The following CCNJL variants were observed in gnomAD, a reference collection of about 807,000 sequenced individuals.
The protein encoded by CCNJL is cyclin-J-like protein.
Under a neutral mutation model 33.4 loss-of-function variants are expected in CCNJL, and 33 were observed. The observed-to-expected ratio is 0.99, with a 90% CI of 0.75 to 1.32. CCNJL has a LOEUF of 1.32. CCNJL is among the 40% of genes most tolerant of loss of function. CCNJL has a pLI of 0.00. For synonymous variants in CCNJL, 227 were observed against 220.9 expected (o/e 1.03, Z -0.24); for missense variants, 512 against 499.7 (o/e 1.02, Z -0.23).
At chr5:160,301,461 T>C (rs1762919398) in intron 2 of CCNJL, among the ~76,000 whole-genome samples, 1 of 148,894 alleles carries the variant, frequency 6.7e-6, no homozygotes, top group African/African-American at 2.5e-5. Flanking sequence ...TGAGATGGAG[T>C]CTCACTCTGT....
intron 1 of CCNJL, among the ~76,000 whole-genome samples, chr5:160,331,224 T>TTC (rs1198392278): frequency 7.3e-6 from 1 of 136,654 alleles, no homozygotes; most frequent in African/African-American, 2.8e-5. Context: ...CTTTCTTTCT[T>TTC]TTTTTTTTTT....
chr5:160,306,743 G>C (rs937139028), intron 2 of CCNJL, among the ~76,000 whole-genome samples: 1 of 152,226 alleles, frequency 6.6e-6, no homozygotes, highest in Non-Finnish European at 1.5e-5. Flanking sequence ...ACGAGTGCAA[G>C]TTCTATCTAC....
chr5:160,305,337 C>CG (rs948457075), intron 2 of CCNJL, among the ~76,000 whole-genome samples: 7 of 152,054 alleles, frequency 4.6e-5, no homozygotes, highest in African/African-American at 1.7e-4. Flanking sequence ...GTTCGGCAAG[C>CG]GGGGGGGCCC....
chr5:160,291,055 A>AG (rs1762566183), intron 2 of CCNJL, among the ~76,000 whole-genome samples: 1 of 149,266 alleles, frequency 6.7e-6, no homozygotes, highest in African/African-American at 2.5e-5. Context: ...AAAAAAAAAA[A>AG]AAAAAAGAAA....
chr5:160,253,987 T>G (rs745686777), intron 5 of CCNJL, 189 bp from the exon 6 acceptor site: 5 of 492,036 alleles, frequency 1.0e-5, no homozygotes, highest in Non-Finnish European at 1.8e-5. Context: ...AGGCCTTGGC[T>G]CTCAGCTTGG....
chr5:160,290,865 T>C (rs1762558615), intron 2 of CCNJL, among the ~76,000 whole-genome samples: 1 of 151,640 alleles, frequency 6.6e-6, no homozygotes, highest in Non-Finnish European at 1.5e-5. Context: ...AACCTATTTA[T>C]CATAATAAGC....
intron 3 of CCNJL, among the ~76,000 whole-genome samples, chr5:160,275,178 G>A (rs1471936566): frequency 4.0e-5 from 6 of 150,652 alleles, no homozygotes; most frequent in East Asian, 4.0e-4. Context: ...TCCGCCTCCC[G>A]GGTTCAAGCA....
rs556235099 is a variant in CCNJL at position 160,326,348 on chromosome 5, A to G, written n.207-10843T>C. ...AAATTAGCCAGGCATGGTGGCACGC[A>G]TCTGTAACCCTAGCTACTTGGGTGG... On this transcript the variant is annotated intron_variant and non_coding_transcript_variant, in intron 1 of 7. Transcript: ENST00000377503. Among the ~76,000 whole-genome samples the G allele has an allele frequency of 3.3e-5, 5 of 152,058 alleles. No individual in the cohort carries two copies. The East Asian group carries it at 9.7e-4, about 29-fold the overall frequency.
chr5:160,281,576 A>C (rs927088788), intron 2 of CCNJL, among the ~76,000 whole-genome samples: 1 of 152,198 alleles, frequency 6.6e-6, no homozygotes, highest in African/African-American at 2.4e-5. Flanking sequence ...TTTTTACAAC[A>C]TAATAATGTT....
At chr5:160,273,707 C>A (rs1248357220) in intron 3 of CCNJL, among the ~76,000 whole-genome samples, 1 of 132,248 alleles carries the variant, frequency 7.6e-6, no homozygotes, top group Admixed American at 8.9e-5. Context: ...GGTACAGTGG[C>A]GCGATCTTGG....
In CCNJL at chr5:160,259,663, G is replaced by A. The variant is rs777408880; in HGVS notation, c.389C>T (p.Thr130Ile). 5 of 1,614,186 alleles carry A rather than the reference G, an allele frequency of 3.1e-6. No individual in the cohort carries two copies. Among genetic ancestry groups the A allele is most frequent in the South Asian group, 2.2e-5 (2 of 91,076 alleles). ...GAAGGCCTCCAGGAGCAGCAGCTCT[G>A]TGCTCAGCAGCTCCTTCTTGGTGAG... ...FTLTKKELLS[T>I]ELLLLEAFSW... The change falls in exon 4 of 6, where the codon ACA (threonine) becomes ATA (isoleucine). Residue 130 changes from threonine (T) to isoleucine (I), a missense_variant. Thr to Ile is a moderately conservative substitution (Grantham distance 89, BLOSUM62 -1). Transcript: ENST00000257536.
intron 2 of CCNJL, among the ~76,000 whole-genome samples, chr5:160,294,506 C>T (rs10052640): frequency 0.2 from 30,866 of 152,118 alleles, 4,197 homozygotes; most frequent in African/African-American, 0.39. Context: ...AGCCACTGCC[C>T]TTCTGGGCAA....
intron 1 of CCNJL, among the ~76,000 whole-genome samples, chr5:160,323,916 C>T (rs1763503049): frequency 6.6e-6 from 1 of 152,192 alleles, no homozygotes; most frequent in East Asian, 1.9e-4. Context: ...AACATTGGCT[C>T]TTTCTGGGTT....
intron 1 of CCNJL, among the ~76,000 whole-genome samples, chr5:160,332,196 C>A (rs1386836809): frequency 1.3e-5 from 2 of 152,130 alleles, no homozygotes; most frequent in Non-Finnish European, 2.9e-5. Context: ...CACACCACAC[C>A]TCTGCCTCCT....
intron 2 of CCNJL, among the ~76,000 whole-genome samples, chr5:160,286,050 TC>T (rs1465717990): frequency 6.6e-6 from 1 of 152,210 alleles, no homozygotes. Flanking sequence ...CAGTCATAGA[TC>T]CTTGGTGTCT....
intron 3 of CCNJL, among the ~76,000 whole-genome samples, chr5:160,260,116 G>A (rs1268271214): frequency 6.6e-6 from 1 of 152,224 alleles, no homozygotes; most frequent in Admixed American, 6.5e-5. Flanking sequence ...CAAAGCAGCC[G>A]ATAGCGGTCA....
rs181037717 is a variant in CCNJL, at chr5:160,281,733, C to G, written c.67-995G>C. 2.4e-3 allele frequency among the ~76,000 whole-genome samples: 372 copies of G among 152,284 alleles called. 3 individuals carry two copies. The highest frequency in any genetic ancestry group is 8.4e-3 in the African/African-American group (349 of 41,554). On this transcript the variant is annotated intron_variant, in intron 2 of 5. Transcript: ENST00000257536. ...TGGTGCAATCACAGCTCACAGAAGC[C>G]TTGAACTTCTGGGCTCAAGCAATCC...
intron 1 of CCNJL, among the ~76,000 whole-genome samples, chr5:160,320,599 G>GT (rs1170494874): frequency 6.6e-6 from 1 of 152,234 alleles, no homozygotes; most frequent in African/African-American, 2.4e-5. Context: ...TGGTTGACCA[G>GT]TGGGTGCGTG....
At position 160,312,540 on chromosome 5, in the gene CCNJL, GTCCCGCCGCGGCTCGCAGGC is replaced by G. The variant is rs1362794208; in HGVS notation, c.-246_-227del. Reference sequence around the variant, plus strand: ...TCGCCGCGCCCCTGCGTGCGCTCGGGTCCCGCCGCGGCTCGCAGGCTCCCGGCCGCCGGGGGCCTCCCTCC... The same window carrying G: ...TCGCCGCGCCCCTGCGTGCGCTCGGGTCCCGGCCGCCGGGGGCCTCCCTCC... On this transcript the variant is annotated 5_prime_UTR_variant, in exon 1 of 6. Transcript: ENST00000257536. 3 of 151,624 alleles carry G rather than the reference GTCCCGCCGCGGCTCGCAGGC, an allele frequency of 2.0e-5. No homozygotes were observed. The highest frequency in any genetic ancestry group is 4.4e-5 in the Non-Finnish European group (3 of 67,884). The allele number at this position is 151,624 out of a possible 1,614,324, so 9.4% of individuals were successfully genotyped here.
Sources: allele counts gnomAD v4.1 joint callset (sites outside exome capture counted in the v4.1 genomes callset), GRCh38; gene constraint gnomAD v4.1.1; transcripts MANE v1.5; gene names NCBI Gene and HGNC (gene_info 2026-07-23, HGNC 2026-07-21).